Variants in RFX7 observed in about 807,000 individuals in gnomAD.
RFX7 encodes regulatory factor X7.
Under a neutral mutation model 111.8 loss-of-function variants are expected in RFX7, and 26 were observed. The ratio of observed to expected loss-of-function variants is 0.23; its 90% CI spans 0.17 to 0.32. The LOEUF (loss-of-function observed/expected upper bound fraction) is 0.32. Among genes scored for constraint, RFX7 ranks in the 10% least tolerant of loss-of-function variants. RFX7 has a pLI of 1.00. For missense variants in RFX7, 1,573 were observed against 1,772.9 expected, an observed-to-expected ratio of 0.89 and a Z score of 2.02; for synonymous variants, 624 against 624.4, an observed-to-expected ratio of 1.00 and a Z score of 0.01.
chr15:56,219,325 T>C (rs1221644754), intron 2 of RFX7, among the ~76,000 whole-genome samples: 2 of 152,244 alleles, frequency 1.3e-5, no homozygotes, highest in African/African-American at 4.8e-5. Context: ...GGTTAGTGTT[T>C]GCTTAGTACA....
intron 6 of RFX7, among the ~76,000 whole-genome samples, chr15:56,103,129 ATTTTTTTTTTT>A (rs11336124): frequency 3.5e-4 from 33 of 94,432 alleles, no homozygotes; most frequent in African/African-American, 1.1e-3. Context: ...GTTCCATAAG[ATTTTTTTTTTT>A]TTTTTTTTTT....
At chr15:56,181,300 T>G (rs571195395) in intron 2 of RFX7, among the ~76,000 whole-genome samples, 64 of 152,350 alleles carry the variant, frequency 4.2e-4, no homozygotes, top group African/African-American at 1.5e-3. Flanking sequence ...CTTTACTTTC[T>G]TTGTTACTTG....
At position 56,096,103 on chromosome 15, in the gene RFX7, T is replaced by A. The variant is rs1320637318; in HGVS notation, c.1625A>T (p.Glu542Val). Residue 542 changes from glutamate (E) to valine (V), a missense_variant, in exon 10 of 10, where the codon GAA (glutamate) becomes GTA (valine). Glu to Val is a moderately radical substitution (Grantham distance 121, BLOSUM62 -2). This residue lies in a region of RFX7 where 625 missense variants were observed against 632.2 expected (regional missense o/e 0.99). Coordinates refer to ENST00000559447, the MANE Select transcript of RFX7 (RefSeq NM_022841.7). ...TACAGGATGCTCATCTGATGATGTT[T>A]CGGGTTCCACTTTGACTTCCACAGC... ...TSAVEVKVEP[E>V]TSSDEHPVQC... 6.2e-7 allele frequency: 1 copy of A among 1,613,796 alleles called. No individual in the cohort carries two copies. Among genetic ancestry groups the A allele is most frequent in the Non-Finnish European group, 8.5e-7 (1 of 1,179,816 alleles).
rs138559307 is a variant in RFX7, at chr15:56,189,471, A to G, written c.162-10168T>C. Among the ~76,000 whole-genome samples the G allele has an allele frequency of 1.1e-3, 162 of 152,266 alleles. 1 individual carries two copies. The highest frequency in any genetic ancestry group is 3.7e-3 in the African/African-American group (155 of 41,570). On this transcript the variant is annotated intron_variant, in intron 2 of 9. Coordinates refer to ENST00000559447, the MANE Select transcript of RFX7 (RefSeq NM_022841.7). Reference sequence around the variant, plus strand: ...TTAAGACAGTAAAAAAAAAACAACTACATAAAATACTCGAAAAACATATCT... The same window carrying G: ...TTAAGACAGTAAAAAAAAAACAACTGCATAAAATACTCGAAAAACATATCT...
At position 56,165,603 on chromosome 15, in the gene RFX7, C is replaced by T. The variant is rs150147107; in HGVS notation, c.195+13667G>A. 7.7e-4 allele frequency among the ~76,000 whole-genome samples: 118 copies of T among 152,294 alleles called. 1 individual carries two copies. The highest frequency in any genetic ancestry group is 2.8e-3 in the African/African-American group (117 of 41,564). On this transcript the variant is annotated intron_variant, in intron 3 of 9. Coordinates refer to ENST00000559447, the MANE Select transcript of RFX7 (RefSeq NM_022841.7). The stretch of plus-strand genomic sequence containing the variant: ...CCATATACGTACCAATGAGAAGGAA[C>T]TCATTAGACACGTTCCATTTTTGAC...
At chr15:56,219,052 T>C (rs2043397057) in intron 2 of RFX7, among the ~76,000 whole-genome samples, 1 of 152,184 alleles carries the variant, frequency 6.6e-6, no homozygotes, top group Non-Finnish European at 1.5e-5. Context: ...CTGGGGTTTA[T>C]TATAAAAAGT....
chr15:56,223,904 G>T (rs1318716304), intron 2 of RFX7, among the ~76,000 whole-genome samples: 3 of 151,746 alleles, frequency 2.0e-5, no homozygotes, highest in African/African-American at 4.8e-5. Context: ...GATAAAACTA[G>T]TTTTTTTTCC....
chr15:56,143,007 A>G (rs1469368968), intron 4 of RFX7, 107 bp from the exon 5 acceptor site: 1 of 1,213,762 alleles, frequency 8.2e-7, no homozygotes, highest in Non-Finnish European at 1.1e-6. Flanking sequence ...TACACTATCA[A>G]CGACCAAACC....
At chr15:56,231,516 G>A (rs571025689) in intron 2 of RFX7, among the ~76,000 whole-genome samples, 36 of 152,110 alleles carry the variant, frequency 2.4e-4, no homozygotes, top group South Asian at 1.2e-3. Context: ...GGGGAAAATC[G>A]TCCCATGATT....
Position 56,224,681 on chromosome 15 carries a change from C to CAGGT in RFX7, c.161+18443_161+18444insACCT, listed in dbSNP as rs1374985603. Reference sequence around the variant, plus strand: ...AGGGATTCAGTATAAGTGAAAAAAACACCTAAGTTTTTTTGGGGGTTTTCA... The same window carrying CAGGT: ...AGGGATTCAGTATAAGTGAAAAAAACAGGTACCTAAGTTTTTTTGGGGGTTTTCA... On this transcript the variant is annotated intron_variant, in intron 2 of 9. Transcript: ENST00000559447. 5.9e-5 allele frequency among the ~76,000 whole-genome samples: 9 copies of CAGGT among 151,782 alleles called. No individual in the cohort carries two copies. The East Asian group carries it at 1.6e-3, about 26-fold the overall frequency.
intron 4 of RFX7, 36 bp from the exon 5 acceptor site, chr15:56,142,936 A>G (rs376489276): frequency 3.2e-5 from 52 of 1,609,528 alleles, no homozygotes; most frequent in Middle Eastern, 1.7e-4. Flanking sequence ...CTGACCAGAC[A>G]GCAATTCATT....
intron 2 of RFX7, among the ~76,000 whole-genome samples, chr15:56,210,605 G>A (rs952018862): frequency 1.3e-5 from 2 of 151,990 alleles, no homozygotes; most frequent in Non-Finnish European, 2.9e-5. Flanking sequence ...AAATTATAGA[G>A]TATCTCCCCT....
intron 2 of RFX7, among the ~76,000 whole-genome samples, chr15:56,198,293 A>G (rs1355476416): frequency 1.3e-5 from 2 of 152,124 alleles, no homozygotes; most frequent in Non-Finnish European, 2.9e-5. Flanking sequence ...AAAAGAAAAA[A>G]AAGAATGGGA....
Position 56,243,477 on chromosome 15 carries a change from G to T in RFX7, c.-35C>A, listed in dbSNP as rs1403023202. On this transcript the variant is annotated 5_prime_UTR_variant, in exon 1 of 10. Transcript: ENST00000559447. ...CTCGAGTGAGTCGCTTTCGCCTGCCGCCTGGGGAACATCACCGGGGAGACC... is the reference window on the plus strand; with the variant it reads ...CTCGAGTGAGTCGCTTTCGCCTGCCTCCTGGGGAACATCACCGGGGAGACC... The T allele has an allele frequency of 3.0e-6, 3 of 984,828 alleles. No individual in the cohort carries two copies. In the African/African-American group the frequency reaches 5.3e-5, roughly 17 times the overall value. The allele number at this position is 984,828 out of a possible 1,614,324, so 61.0% of individuals were successfully genotyped here. A position where few individuals can be genotyped will look rare whatever the true frequency, so the allele number is the denominator to read the frequency against.
intron 4 of RFX7, among the ~76,000 whole-genome samples, chr15:56,143,677 G>A (rs1250225285): frequency 6.6e-6 from 1 of 152,112 alleles, no homozygotes; most frequent in African/African-American, 2.4e-5. Context: ...AGAAAACACT[G>A]AGCAAGTGTC....
chr15:56,180,079 GA>G (rs1247673411), intron 2 of RFX7, among the ~76,000 whole-genome samples: 1 of 151,972 alleles, frequency 6.6e-6, no homozygotes, highest in Non-Finnish European at 1.5e-5. Context: ...AAATGTTCAG[GA>G]ACAGTTTACA....
At chr15:56,143,127 A>T (rs1387247960) in intron 4 of RFX7, among the ~76,000 whole-genome samples, 1 of 152,172 alleles carries the variant, frequency 6.6e-6, no homozygotes, top group Non-Finnish European at 1.5e-5. Flanking sequence ...CATGCAGGTG[A>T]TAGAGCACTG....
At chr15:56,214,660 A>C (rs1284942220) in intron 2 of RFX7, among the ~76,000 whole-genome samples, 4 of 149,584 alleles carry the variant, frequency 2.7e-5, no homozygotes, top group Non-Finnish European at 5.9e-5. Context: ...GCTTGCAGTG[A>C]GCTGAGATCG....
intron 5 of RFX7, among the ~76,000 whole-genome samples, chr15:56,109,315 C>T (rs532469209): frequency 8.3e-4 from 127 of 152,354 alleles, no homozygotes; most frequent in African/African-American, 3.0e-3. Context: ...CCCGAGGTGC[C>T]GGGATTGCAG....
Sources: allele counts gnomAD v4.1 joint callset (sites outside exome capture counted in the v4.1 genomes callset), GRCh38; gene constraint gnomAD v4.1.1; regional missense constraint gnomAD v4.1.1; transcripts MANE v1.5; gene names NCBI Gene and HGNC (gene_info 2026-07-23, HGNC 2026-07-21).